Variants in MGRN1 observed in about 807,000 individuals in gnomAD.
The protein encoded by MGRN1 is mahogunin ring finger 1, also known as E3 ubiquitin-protein ligase MGRN1.
A neutral mutation model predicts 69.2 loss-of-function variants in MGRN1; 29 were observed. That is an observed-to-expected ratio of 0.42 (90% CI 0.31 to 0.57). The LOEUF (loss-of-function observed/expected upper bound fraction) is 0.57. Ranked by LOEUF, MGRN1 falls within the 20% of genes least tolerant of loss-of-function variation. The pLI is 0.15. For synonymous variants in MGRN1, 470 were observed against 344.2 expected, an observed-to-expected ratio of 1.37 and a Z score of -4.04; for missense variants, 998 against 796.2, an observed-to-expected ratio of 1.25 and a Z score of -3.05.
intron 7 of MGRN1, among the ~76,000 whole-genome samples, chr16:4,667,424 T>C (rs1346964730): frequency 1.3e-5 from 2 of 152,086 alleles, no homozygotes; most frequent in Admixed American, 1.3e-4. Flanking sequence ...AGTACTGGGC[T>C]CCCCAGCTGC....
intron 16 of MGRN1, chr16:4,687,016 C>G (rs145267853): frequency 1.0e-6 from 1 of 985,650 alleles, no homozygotes; most frequent in Non-Finnish European, 1.2e-6. Flanking sequence ...CCTGCTCCCC[C>G]GCTCCCTCCT....
At chr16:4,642,684 T>C (rs986561869) in intron 1 of MGRN1, among the ~76,000 whole-genome samples, 1 of 151,890 alleles carries the variant, frequency 6.6e-6, no homozygotes, top group Admixed American at 6.6e-5. Context: ...GGTCTTCAAC[T>C]CCTGACGGCA....
intron 1 of MGRN1, among the ~76,000 whole-genome samples, chr16:4,629,867 G>A (rs1198360033): frequency 6.6e-6 from 1 of 151,760 alleles, no homozygotes; most frequent in Non-Finnish European, 1.5e-5. Flanking sequence ...CCAACAAGGT[G>A]AAACCTCGTC....
chr16:4,639,932 AC>A (rs1171906177), intron 1 of MGRN1: 1 of 152,304 alleles, frequency 6.6e-6, no homozygotes, highest in Admixed American at 6.5e-5. Flanking sequence ...TCTGCCCTCC[AC>A]GCTCCGCGGC....
At chr16:4,679,804 C>T (rs2079136816) in intron 11 of MGRN1, among the ~76,000 whole-genome samples, 1 of 152,174 alleles carries the variant, frequency 6.6e-6, no homozygotes, top group Admixed American at 6.5e-5. Flanking sequence ...GGCTCCACAG[C>T]CTCCCCACTG....
chr16:4,687,510 A>AT, intron 16 of MGRN1: 1 of 981,082 alleles, frequency 1.0e-6, no homozygotes, highest in Non-Finnish European at 1.2e-6. Flanking sequence ...CGCTGTCTCA[A>AT]TAAAAAAAAA....
intron 1 of MGRN1, among the ~76,000 whole-genome samples, chr16:4,644,988 T>G (rs1299248483): frequency 1.3e-5 from 2 of 152,228 alleles, no homozygotes; most frequent in African/African-American, 4.8e-5. Flanking sequence ...TTACAAATGA[T>G]ATATGTTAAT....
intron 10 of MGRN1, among the ~76,000 whole-genome samples, chr16:4,675,393 C>T (rs111970593): frequency 0.039 from 5,873 of 152,168 alleles, 366 homozygotes; most frequent in African/African-American, 0.14. Context: ...GCATGAGCCA[C>T]CATGGCCAGC....
chr16:4,644,692 C>G (rs1044182794), intron 1 of MGRN1, among the ~76,000 whole-genome samples: 1 of 152,162 alleles, frequency 6.6e-6, no homozygotes, highest in African/African-American at 2.4e-5. Context: ...GCATCTATTT[C>G]CAAGTTACTT....
chr16:4,688,358 C>T (rs778433828), intron 16 of MGRN1: 76 of 993,854 alleles, frequency 7.6e-5, no homozygotes, highest in Admixed American at 7.2e-4. Context: ...ACTCTGAGCA[C>T]GGGCTTGTTC....
intron 1 of MGRN1, among the ~76,000 whole-genome samples, chr16:4,644,745 C>G (rs2078239389): frequency 6.6e-6 from 1 of 152,188 alleles, no homozygotes. Context: ...ATTAATGATT[C>G]ATCACCTCAC....
At chr16:4,645,218 T>C (rs969197747) in intron 1 of MGRN1, among the ~76,000 whole-genome samples, 2 of 151,636 alleles carry the variant, frequency 1.3e-5, no homozygotes, top group African/African-American at 4.8e-5. Flanking sequence ...TGGAGTGCAG[T>C]GTGGTGTGAT....
intron 10 of MGRN1, among the ~76,000 whole-genome samples, 199 bp downstream of exon 10, chr16:4,673,856 C>T (rs1470594793): frequency 7.9e-5 from 12 of 152,164 alleles, no homozygotes; most frequent in Admixed American, 2.6e-4. Flanking sequence ...GACGCTAGCA[C>T]GGGGCATTCA....
At chr16:4,684,998 C>T (rs2079275903) in intron 16 of MGRN1, among the ~76,000 whole-genome samples, 1 of 152,346 alleles carries the variant, frequency 6.6e-6, no homozygotes, top group South Asian at 2.1e-4. Flanking sequence ...CGGACTCTGG[C>T]TGAGCAGTGG....
Position 4,649,784 on chromosome 16 carries a change from G to T in MGRN1, c.89-581G>T, listed in dbSNP as rs139651226. On this transcript the variant is annotated intron_variant, in intron 1 of 16. Transcript: ENST00000262370. ...TGTTGGAGCTGGATGCTGGCTGATG[G>T]GCTGGGAGCAGCGAGGAGCCGTCCA... 217 of 153,608 alleles carry T rather than the reference G, an allele frequency of 1.4e-3. 1 individual carries two copies. The highest frequency in any genetic ancestry group is 4.2e-3 in the Admixed American group (65 of 15,340). The allele number at this position is 153,608 out of a possible 1,614,324, so 9.5% of individuals were successfully genotyped here. A position where few individuals can be genotyped will look rare whatever the true frequency, so the allele number is the denominator to read the frequency against.
intron 11 of MGRN1, among the ~76,000 whole-genome samples, chr16:4,679,509 C>T (rs1288396565): frequency 6.7e-5 from 9 of 135,242 alleles, no homozygotes; most frequent in Non-Finnish European, 1.1e-4. Context: ...AAAGAGCCAC[C>T]GTGGGTGTTC....
chr16:4,686,144 T>C, intron 16 of MGRN1: 1 of 1,252,466 alleles, frequency 8.0e-7, no homozygotes, highest in South Asian at 1.4e-5. Context: ...CAGCAGAGTG[T>C]TTGTTTCTAG....
chr16:4,647,246 C>T (rs2078293868), intron 1 of MGRN1, among the ~76,000 whole-genome samples: 1 of 152,216 alleles, frequency 6.6e-6, no homozygotes, highest in Non-Finnish European at 1.5e-5. Flanking sequence ...CCTGTCTCAG[C>T]CCTGCTCCAT....
chr16:4,655,871 C>T (rs570571353), intron 4 of MGRN1, among the ~76,000 whole-genome samples: 7 of 152,358 alleles, frequency 4.6e-5, no homozygotes, highest in South Asian at 2.1e-4. Context: ...TCCAGGCCTC[C>T]GCATCTCACA....
Sources: gnomAD v4.1 joint callset for allele counts (sites outside exome capture counted in the v4.1 genomes callset) on GRCh38, gnomAD v4.1.1 for gene constraint, MANE v1.5 for transcripts, NCBI Gene and HGNC (gene_info 2026-07-23, HGNC 2026-07-21) for gene names.